The following CNBD2 variants were observed in gnomAD, a reference collection of about 807,000 sequenced individuals.
CNBD2 encodes the protein cyclic nucleotide binding domain containing 2.
Under a neutral mutation model 63.7 loss-of-function variants are expected in CNBD2, and 64 were observed. That is an observed-to-expected ratio of 1.00 (90% CI 0.82 to 1.24). The LOEUF is 1.24. Ranked by LOEUF, CNBD2 falls within the 50% of genes most tolerant of loss-of-function variation. CNBD2 has a pLI of 0.00. For synonymous variants in CNBD2, 229 were observed against 255.4 expected (o/e 0.90, Z 0.99); for missense variants, 691 against 713.5 (o/e 0.97, Z 0.36).
rs559863061 is a variant in CNBD2 at position 36,001,970 on chromosome 20, A to T, written c.971-6327A>T. ...CCAGACGATGGGCGGCCAGGCAGAG[A>T]CGCTCCTCACTTCCCAGACGGGGTG... On this transcript the variant is annotated intron_variant, in intron 8 of 11. Transcript: ENST00000373973. Among the ~76,000 whole-genome samples, 255 of 148,890 alleles carry T rather than the reference A, an allele frequency of 1.7e-3. 1 individual carries two copies. The highest frequency in any genetic ancestry group is 6.1e-3 in the African/African-American group (244 of 40,264).
chr20:36,006,280 G>T (rs1169733193), intron 8 of CNBD2, among the ~76,000 whole-genome samples: 1 of 151,486 alleles, frequency 6.6e-6, no homozygotes, highest in Non-Finnish European at 1.5e-5. Context: ...TGCCCGCCTC[G>T]GCCTCCCAAA....
Position 36,008,305 on chromosome 20 carries a change from C to A in CNBD2, c.979C>A (p.Pro327Thr). The change falls in exon 9 of 12, where the codon CCT becomes ACT. Residue 327 changes from proline to threonine, a missense_variant. Transcript: ENST00000373973. ...TGTGCTTTCTCTAACAGAATACTCTCCTATGGAAAGATTTAAGGAATTCCA... is the reference window on the plus strand; with the variant it reads ...TGTGCTTTCTCTAACAGAATACTCTACTATGGAAAGATTTAAGGAATTCCA... ...PLKTHLSEYS[P>T]MERFKEFQIK... 6.2e-7 allele frequency: 1 copy of A among 1,610,118 alleles called. No individual in the cohort carries two copies. Among genetic ancestry groups the A allele is most frequent in the Non-Finnish European group, 8.5e-7 (1 of 1,178,522 alleles).
At chr20:35,962,502 C>T (rs1005649012) in intron 2 of CNBD2, among the ~76,000 whole-genome samples, 10 of 151,986 alleles carry the variant, frequency 6.6e-5, no homozygotes, top group Non-Finnish European at 8.8e-5. Context: ...CCTTGTGATC[C>T]GCCTGTCTTG....
chr20:36,007,060 G>A (rs1254399303), intron 8 of CNBD2, among the ~76,000 whole-genome samples: 5 of 151,918 alleles, frequency 3.3e-5, no homozygotes, highest in African/African-American at 1.2e-4. Flanking sequence ...GTGGTGGTGG[G>A]CGCCTGTAGT....
At chr20:35,992,834 G>A (rs1004278678) in intron 7 of CNBD2, among the ~76,000 whole-genome samples, 2 of 146,882 alleles carry the variant, frequency 1.4e-5, no homozygotes, top group African/African-American at 5.1e-5. Context: ...TTCCTGCCTG[G>A]CCAGCGTTTT....
intron 11 of CNBD2, among the ~76,000 whole-genome samples, chr20:36,027,176 T>C (rs2057291865): frequency 1.3e-5 from 2 of 152,256 alleles, no homozygotes; most frequent in African/African-American, 4.8e-5. Context: ...GTTTTCATAA[T>C]GGAGCTCATA....
chr20:36,016,648 G>T (rs193080519), intron 10 of CNBD2, among the ~76,000 whole-genome samples: 12 of 152,134 alleles, frequency 7.9e-5, no homozygotes, highest in Non-Finnish European at 1.3e-4. Context: ...AATTAGCCAG[G>T]TGTGGTGGCA....
At chr20:36,028,340 T>C (rs922089047) in intron 11 of CNBD2, among the ~76,000 whole-genome samples, 1 of 152,112 alleles carries the variant, frequency 6.6e-6, no homozygotes, top group African/African-American at 2.4e-5. Context: ...AATTCTGTCT[T>C]ATTCATTAAT....
rs749344185 is a variant in CNBD2, at chr20:35,987,549, G to A, written c.855+16G>A. 8 of 1,613,822 alleles carry A rather than the reference G, an allele frequency of 5.0e-6. No individual in the cohort carries two copies. The Admixed American group carries it at 5.0e-5, about 10-fold the overall frequency. ...TATCAGCAAGGTGAAAAGTCTGGGG[G>A]TTGGGATGAGGGTGAACCTCTGAGG... On this transcript the variant is annotated intron_variant, in intron 7 of 11. Coordinates refer to ENST00000373973, the MANE Select transcript of CNBD2 (RefSeq NM_001365709.1).
chr20:36,027,230 T>C (rs2794383), intron 11 of CNBD2, among the ~76,000 whole-genome samples: 52,918 of 152,116 alleles, frequency 0.35, 13,515 homozygotes, highest in African/African-American at 0.72. Context: ...TGTGGTCAGA[T>C]ACGGTTTTGG....
At chr20:35,974,622 G>A (rs2056473921) in intron 2 of CNBD2, 1 of 152,900 alleles carries the variant, frequency 6.5e-6, no homozygotes, top group Non-Finnish European at 1.5e-5. Context: ...GAATCTGGAT[G>A]TTTCTGAGCA....
chr20:35,992,810 TTC>T lies in CNBD2; in HGVS notation c.856-2222_856-2221del, dbSNP rs1439782084. Among the ~76,000 whole-genome samples, 30 of 150,494 alleles carry T rather than the reference TTC, an allele frequency of 2.0e-4. 1 individual carries two copies. The highest frequency in any genetic ancestry group is 6.9e-4 in the African/African-American group (28 of 40,842). ...CAGCCCCCTCTAAAGGACTGCTCTTTTCTCTCTTTTTTTTTCCTGCCTGGCCA... is the reference window on the plus strand; with the variant it reads ...CAGCCCCCTCTAAAGGACTGCTCTTTTCTCTTTTTTTTTCCTGCCTGGCCA... On this transcript the variant is annotated intron_variant, in intron 7 of 11. Transcript: ENST00000373973.
chr20:36,009,404 G>A lies in CNBD2; in HGVS notation c.1148+930G>A, dbSNP rs979125384. 9.0e-4 allele frequency among the ~76,000 whole-genome samples: 136 copies of A among 151,768 alleles called. 1 individual carries two copies. Among genetic ancestry groups the A allele is most frequent in the Non-Finnish European group, 8.1e-4 (55 of 67,896 alleles). Reference sequence around the variant, plus strand: ...TTTTTAGTAGAGACGAGGTTTCACCGTATTAGCCAGGATGGTCTCGGTCTC... The same window carrying A: ...TTTTTAGTAGAGACGAGGTTTCACCATATTAGCCAGGATGGTCTCGGTCTC... On this transcript the variant is annotated intron_variant, in intron 9 of 11. Coordinates refer to ENST00000373973, the MANE Select transcript of CNBD2 (RefSeq NM_001365709.1).
At chr20:36,011,313 A>C in intron 10 of CNBD2, 56 bp downstream of exon 10, 1 of 1,415,970 alleles carries the variant, frequency 7.1e-7, no homozygotes, top group Non-Finnish European at 9.3e-7. Flanking sequence ...ATGGGCTGGA[A>C]TGTTAAGTAA....
intron 10 of CNBD2, among the ~76,000 whole-genome samples, chr20:36,014,436 T>C (rs2047570882): frequency 6.8e-6 from 1 of 147,898 alleles, no homozygotes; most frequent in South Asian, 2.2e-4. Flanking sequence ...TTCAAGTGAT[T>C]CTCCTGCCTC....
chr20:35,978,545 C>T (rs530119045), intron 3 of CNBD2, among the ~76,000 whole-genome samples: 8 of 152,264 alleles, frequency 5.3e-5, no homozygotes, highest in East Asian at 1.9e-4. Context: ...GGGGTTTCAC[C>T]GTGTTAGCCA....
chr20:35,972,528 TTTAATCCTG>T, intron 1 of CNBD2, 92 bp from the exon 2 acceptor site: 1 of 1,152,828 alleles, frequency 8.7e-7, no homozygotes. Context: ...CACTACTGCA[TTTAATCCTG>T]GTAAATTTCA....
At chr20:35,975,806 G>A in intron 2 of CNBD2, 143 bp from the exon 3 acceptor site, 2 of 636,590 alleles carry the variant, frequency 3.1e-6, no homozygotes, top group Admixed American at 5.2e-5. Flanking sequence ...AGCAGAGGCA[G>A]GCCTGAAAGG....
At position 35,984,133 on chromosome 20, in the gene CNBD2, T is replaced by G; in HGVS notation, c.559T>G (p.Phe187Val). 1 of 1,602,582 alleles carries G rather than the reference T, an allele frequency of 6.2e-7. No homozygotes were observed. The highest frequency in any genetic ancestry group is 8.5e-7 in the Non-Finnish European group (1 of 1,173,768). ...HPKLLHKGSCFGEMDVLHASV... is the reference protein window; with the variant it reads ...HPKLLHKGSCVGEMDVLHASV... ...GAAATTGCTGCACAAGGGTAGCTGT[T>G]TTGGGGTAAGCCCAGGGGAAGGACC... is the stretch of plus-strand genomic sequence containing the variant. The change falls in exon 5 of 12, where the codon TTT (phenylalanine) becomes GTT (valine). Residue 187 changes from phenylalanine to valine, a missense_variant. Phe to Val is a conservative substitution (Grantham distance 50). Transcript: ENST00000373973.
Sources: allele counts gnomAD v4.1 joint callset (sites outside exome capture counted in the v4.1 genomes callset), GRCh38; gene constraint gnomAD v4.1.1; transcripts MANE v1.5; gene names NCBI Gene and HGNC (gene_info 2026-07-23, HGNC 2026-07-21).